The following KIAA1217 variants were observed in gnomAD, a reference collection of about 807,000 sequenced individuals.
KIAA1217 encodes the protein KIAA1217.
KIAA1217 carries 88 observed loss-of-function variants against 163.9 expected under a neutral mutation model. That is an observed-to-expected ratio of 0.54 (90% CI 0.45 to 0.64). The LOEUF (loss-of-function observed/expected upper bound fraction) is 0.64, where lower values mean the gene tolerates loss of function less well. Ranked by LOEUF, KIAA1217 falls within the 30% of genes least tolerant of loss-of-function variation. KIAA1217 has a pLI of 0.00. For synonymous variants in KIAA1217, 903 were observed against 923.1 expected, an observed-to-expected ratio of 0.98 and a Z score of 0.39; for missense variants, 2,372 against 2,475.0, an observed-to-expected ratio of 0.96 and a Z score of 0.88.
chr10:24,180,165 T>C (rs2066101716), intron 2 of KIAA1217, among the ~76,000 whole-genome samples: 1 of 152,166 alleles, frequency 6.6e-6, no homozygotes, highest in East Asian at 1.9e-4. Flanking sequence ...AAAATCCTTA[T>C]GCCAAAGTGG....
At chr10:23,729,602 G>A (rs374432998) in intron 1 of KIAA1217, among the ~76,000 whole-genome samples, 8 of 152,110 alleles carry the variant, frequency 5.3e-5, no homozygotes, top group East Asian at 1.9e-4. Context: ...TAGGGTGTCT[G>A]TTAAGGTCTT....
chr10:24,365,130 G>A (rs928429886), intron 2 of KIAA1217, among the ~76,000 whole-genome samples: 1 of 152,124 alleles, frequency 6.6e-6, no homozygotes, highest in African/African-American at 2.4e-5. Flanking sequence ...ACTTTCAGAT[G>A]ATATTTGTCT....
intron 10 of KIAA1217, among the ~76,000 whole-genome samples, chr10:24,516,524 G>A (rs1407840210): frequency 6.6e-6 from 1 of 152,242 alleles, no homozygotes; most frequent in East Asian, 1.9e-4. Flanking sequence ...AACAAAGCCG[G>A]TGATTCTGAA....
chr10:24,321,377 A>G (rs1057148538), intron 2 of KIAA1217, among the ~76,000 whole-genome samples: 5 of 152,042 alleles, frequency 3.3e-5, no homozygotes, highest in Non-Finnish European at 7.4e-5. Flanking sequence ...CATCTCTACT[A>G]AAAATACAAA....
At chr10:23,980,927 A>C (rs1309670026) in intron 1 of KIAA1217, among the ~76,000 whole-genome samples, 2 of 152,198 alleles carry the variant, frequency 1.3e-5, no homozygotes, top group Non-Finnish European at 2.9e-5. Context: ...GGGTGTGGTT[A>C]CCTTTGCTAT....
Position 24,013,390 on chromosome 10 carries a change from G to A in KIAA1217, c.-171+6016G>A, listed in dbSNP as rs186067469. On this transcript the variant is annotated intron_variant, in intron 2 of 18. Transcript: ENST00000376462. The stretch of plus-strand genomic sequence containing the variant: ...ATATATTAATTATATATTAAATAAG[G>A]TGTCTTTAAGCAGAAACACACATAA... Among the ~76,000 whole-genome samples the A allele has an allele frequency of 2.6e-3, 391 of 151,728 alleles. 2 individuals carry two copies. Among genetic ancestry groups the A allele is most frequent in the Middle Eastern group, 3.5e-3 (1 of 288 alleles).
chr10:24,082,426 G>T (rs1272321720), intron 2 of KIAA1217, among the ~76,000 whole-genome samples: 1 of 152,010 alleles, frequency 6.6e-6, no homozygotes, highest in Non-Finnish European at 1.5e-5. Context: ...GCCCCAGTGT[G>T]TGTTGTTCCG....
intron 4 of KIAA1217, among the ~76,000 whole-genome samples, chr10:24,436,380 A>G (rs1480849072): frequency 6.6e-6 from 1 of 150,888 alleles, no homozygotes; most frequent in African/African-American, 2.4e-5. Context: ...GAATTATTCT[A>G]TTTCTTGATT....
At chr10:24,074,950 TG>T (rs1417160948) in intron 2 of KIAA1217, among the ~76,000 whole-genome samples, 1 of 152,032 alleles carries the variant, frequency 6.6e-6, no homozygotes, top group African/African-American at 2.4e-5. Flanking sequence ...CCGCCTGCCT[TG>T]GTCTCCAAAA....
At chr10:23,763,482 C>T (rs12261374) in intron 1 of KIAA1217, among the ~76,000 whole-genome samples, 1,767 of 152,108 alleles carry the variant, frequency 0.012, 37 homozygotes, top group African/African-American at 0.041. Context: ...ATCTGATCTT[C>T]GATAAACCCC....
intron 2 of KIAA1217, among the ~76,000 whole-genome samples, chr10:24,187,777 C>T (rs1589826247): frequency 6.6e-6 from 1 of 152,080 alleles, no homozygotes; most frequent in African/African-American, 2.4e-5. Context: ...ATAATCCCAG[C>T]TACTCAGGAG....
At chr10:24,040,478 G>A (rs1848585503) in intron 2 of KIAA1217, among the ~76,000 whole-genome samples, 1 of 152,218 alleles carries the variant, frequency 6.6e-6, no homozygotes, top group Admixed American at 6.5e-5. Context: ...AGACATAAAA[G>A]ATAATTTGGA....
Position 24,524,590 on chromosome 10 carries a change from G to C in KIAA1217, c.2724G>C (p.Gln908His), listed in dbSNP as rs762682845. ...QHSVALLNPA[Q>H]NLPHVASSPA... is the part of the protein sequence containing the mutation. ...CCGTGGCCCTGCTGAACCCTGCTCA[G>C]AACTTGCCTCACGTGGCCAGCTCCC... is the stretch of plus-strand genomic sequence containing the variant. Residue 908 changes from glutamine (Q) to histidine (H), a missense_variant, in exon 13 of 21, where the codon CAG becomes CAC. Gln to His is a conservative substitution (Grantham distance 24). Coordinates refer to ENST00000376454, the MANE Select transcript of KIAA1217 (RefSeq NM_019590.5). The C allele has an allele frequency of 3.1e-6, 5 of 1,613,916 alleles. No homozygotes were observed. The African/African-American group carries it at 5.3e-5, about 17-fold the overall frequency.
intron 2 of KIAA1217, among the ~76,000 whole-genome samples, chr10:24,177,288 T>A (rs1219426823): frequency 8.7e-6 from 1 of 114,892 alleles, no homozygotes; most frequent in Non-Finnish European, 1.8e-5. Context: ...TATATATATA[T>A]ATATATATAT....
At chr10:23,715,212 A>G (rs1300641736) in intron 1 of KIAA1217, among the ~76,000 whole-genome samples, 1 of 152,206 alleles carries the variant, frequency 6.6e-6, no homozygotes, top group Non-Finnish European at 1.5e-5. Flanking sequence ...CTGGGCTGCC[A>G]TAGCTCTGTG....
intron 2 of KIAA1217, among the ~76,000 whole-genome samples, chr10:24,355,793 G>C (rs1217069559): frequency 1.8e-5 from 2 of 112,272 alleles, no homozygotes; most frequent in Non-Finnish European, 1.7e-5. Context: ...CTGTCTCCCA[G>C]GCTGGAGTAC....
chr10:24,520,683 C>CAAAA (rs1392742371), intron 11 of KIAA1217, among the ~76,000 whole-genome samples: 13 of 98,902 alleles, frequency 1.3e-4, no homozygotes, highest in East Asian at 1.3e-3. Flanking sequence ...TATACACACA[C>CAAAA]ACACAAAAAA....
chr10:24,309,332 GCGCGCGCA>G (rs2042385311), intron 2 of KIAA1217, among the ~76,000 whole-genome samples: 1 of 88,608 alleles, frequency 1.1e-5, no homozygotes, highest in Non-Finnish European at 2.2e-5. Flanking sequence ...TGACAAATAG[GCGCGCGCA>G]CGCGCGCGCG....
At chr10:24,076,317 G>C (rs1381051074) in intron 2 of KIAA1217, among the ~76,000 whole-genome samples, 1 of 152,214 alleles carries the variant, frequency 6.6e-6, no homozygotes, top group Non-Finnish European at 1.5e-5. Flanking sequence ...ATACAGAGTG[G>C]AGAGAGGCGC....
Sources: allele counts gnomAD v4.1 joint callset (sites outside exome capture counted in the v4.1 genomes callset), GRCh38; gene constraint gnomAD v4.1.1; transcripts MANE v1.5; gene names NCBI Gene and HGNC (gene_info 2026-07-23, HGNC 2026-07-21).